The following AHCY variants were observed in gnomAD, a reference collection of about 807,000 sequenced individuals.
AHCY encodes adenosylhomocysteinase, also known as S-adenosyl-L-homocysteine hydrolase.
A neutral mutation model predicts 45.4 loss-of-function variants in AHCY; 24 were observed. The ratio of observed to expected loss-of-function variants is 0.53; its 90% CI spans 0.38 to 0.74. The LOEUF is 0.74. AHCY is among the 30% of genes least tolerant of loss of function. The pLI, the probability that AHCY is intolerant of heterozygous loss-of-function variation, is 0.00. For synonymous variants in AHCY, 245 were observed against 235.1 expected (o/e 1.04, Z -0.39); for missense variants, 449 against 594.1 (o/e 0.76, Z 2.54).
chr20:34,307,138 G>T (rs1176984154), upstream of AHCY, among the ~76,000 whole-genome samples: 1 of 141,386 alleles, frequency 7.1e-6, no homozygotes, highest in African/African-American at 2.6e-5. Flanking sequence ...TTTTTTTTGA[G>T]ACAGGGTCTG....
chr20:34,266,971 A>G, the AHCY span, among the ~76,000 whole-genome samples: 1 of 152,136 alleles, frequency 6.6e-6, no homozygotes, highest in African/African-American at 2.4e-5. Context: ...GGAGCACTGG[A>G]TTAGGTATTA....
At chr20:34,286,907 T>G (rs1173360181) in intron 8 of AHCY, among the ~76,000 whole-genome samples, 1 of 148,880 alleles carries the variant, frequency 6.7e-6, no homozygotes, top group East Asian at 2.0e-4. Context: ...TGGCCCACAG[T>G]GTGGCTCCCA....
At position 34,290,979 on chromosome 20, in the gene AHCY, G is replaced by A. The variant is rs946482507; in HGVS notation, c.559-41C>T. On this transcript the variant is annotated intron_variant, in intron 5 of 9. Transcript: ENST00000217426. This position sits in a 1 kb window ranked among gnomAD's most constrained non-coding sequence, Gnocchi z 4.5. ...GTAAGGAGACAATAGGGGCAGGCAA[G>A]GCCCTGGGGCCAGGACAACTTGGCC... is the stretch of plus-strand genomic sequence containing the variant. 9 of 1,600,696 alleles carry A rather than the reference G, an allele frequency of 5.6e-6. No individual in the cohort carries two copies. The Admixed American group carries it at 1.2e-4, about 21-fold the overall frequency.
chr20:34,296,326 A>AT (rs1459033414), intron 1 of AHCY, among the ~76,000 whole-genome samples: 1 of 152,084 alleles, frequency 6.6e-6, no homozygotes, highest in African/African-American at 2.4e-5. Flanking sequence ...CCTGCAACTG[A>AT]TTGGGTAACT....
chr20:34,276,487 G>C (rs2035911365), downstream of AHCY, among the ~76,000 whole-genome samples: 2 of 152,114 alleles, frequency 1.3e-5, no homozygotes, highest in African/African-American at 4.8e-5. Context: ...TGGTAATAGG[G>C]CAAGTATGAC....
At chr20:34,235,817 GA>G in the AHCY span, among the ~76,000 whole-genome samples, 1 of 59,180 alleles carries the variant, frequency 1.7e-5, no homozygotes, top group Non-Finnish European at 2.6e-5. Flanking sequence ...AAGAAAGAAA[GA>G]AAGAAAGAAA....
chr20:34,283,345 G>GA (rs1167676301), intron 9 of AHCY, among the ~76,000 whole-genome samples: 3 of 152,112 alleles, frequency 2.0e-5, no homozygotes, highest in Non-Finnish European at 4.4e-5. Flanking sequence ...AGGATGGATG[G>GA]ATCACTCATC....
At chr20:34,246,338 G>A in the AHCY span, 1 of 1,543,448 alleles carries the variant, frequency 6.5e-7, no homozygotes, top group Non-Finnish European at 8.8e-7. Context: ...ATTTTCTACA[G>A]TAAATTTTGC....
At chr20:34,243,181 G>C in the AHCY span, among the ~76,000 whole-genome samples, 1 of 152,174 alleles carries the variant, frequency 6.6e-6, no homozygotes, top group Non-Finnish European at 1.5e-5. Flanking sequence ...TTGTCCTTTT[G>C]TCCCTTGAGA....
At position 34,290,340 on chromosome 20, in the gene AHCY, TG is replaced by T; in HGVS notation, c.963del (p.Lys322SerfsTer9). On this transcript the variant is annotated frameshift_variant, in exon 8 of 10. Coordinates refer to ENST00000217426, the MANE Select transcript of AHCY (RefSeq NM_000687.4). LOFTEE classifies it high-confidence loss of function. This position sits in a 1 kb window ranked among gnomAD's most constrained non-coding sequence, Gnocchi z 4.5. The stretch of plus-strand genomic sequence containing the variant: ...AGGCGGGAGCTTCTCACCTGCGGCT[TG>T]ATGTTCACCTTCTCCACGGCGTTCT... The part of the protein sequence containing the change: ...LNENAVEKVN[I>X]KPQVDRYRLK... 1 of 1,614,062 alleles carries T rather than the reference TG, an allele frequency of 6.2e-7. No homozygotes were observed. Among genetic ancestry groups the T allele is most frequent in the Non-Finnish European group, 8.5e-7 (1 of 1,180,036 alleles).
intron 4 of AHCY, among the ~76,000 whole-genome samples, chr20:34,291,828 C>T (rs1442477802): frequency 6.6e-6 from 1 of 152,236 alleles, no homozygotes; most frequent in Non-Finnish European, 1.5e-5. Context: ...TACCACAACC[C>T]ATCCTCCATG....
At chr20:34,262,036 C>T in the AHCY span, among the ~76,000 whole-genome samples, 3 of 151,962 alleles carry the variant, frequency 2.0e-5, no homozygotes, top group Non-Finnish European at 2.9e-5. Flanking sequence ...TCACTTGAAC[C>T]CAGGAGGCAG....
intron 2 of AHCY, 142 bp from the exon 3 acceptor site, chr20:34,294,298 G>T (rs2036501811): frequency 3.7e-6 from 3 of 812,978 alleles, no homozygotes; most frequent in African/African-American, 3.4e-5. Flanking sequence ...CACAGGCTGG[G>T]GATGCTGGGT....
rs571100953 is a variant in AHCY, at chr20:34,290,356, C to G, written c.948G>C (p.Val316=). 1 of 1,614,148 alleles carries G rather than the reference C, an allele frequency of 6.2e-7. No individual in the cohort carries two copies. Among genetic ancestry groups the G allele is most frequent in the Non-Finnish European group, 8.5e-7 (1 of 1,180,032 alleles). The part of the protein sequence containing the change: ...IDVKWLNENA[V]EKVNIKPQVD... ...CCTGCGGCTTGATGTTCACCTTCTC[C>G]ACGGCGTTCTCGTTGAGCCACTTGA... Residue 316 remains valine, a synonymous_variant, in exon 8 of 10, where the codon GTG becomes GTC. Coordinates refer to ENST00000217426, the MANE Select transcript of AHCY (RefSeq NM_000687.4). This position sits in a 1 kb window ranked among gnomAD's most constrained non-coding sequence, Gnocchi z 4.5.
the AHCY span, among the ~76,000 whole-genome samples, chr20:34,270,115 G>C: frequency 6.6e-6 from 1 of 151,934 alleles, no homozygotes; most frequent in Non-Finnish European, 1.5e-5. Flanking sequence ...AGCCGGGTGT[G>C]GTGGCATGCA....
the AHCY span, among the ~76,000 whole-genome samples, chr20:34,256,322 C>A: frequency 2.0e-5 from 3 of 152,082 alleles, no homozygotes; most frequent in Non-Finnish European, 4.4e-5. Context: ...GGTCTCTGTG[C>A]CTTGGTGGTA....
chr20:34,258,889 A>T, the AHCY span, among the ~76,000 whole-genome samples: 1 of 131,860 alleles, frequency 7.6e-6, no homozygotes, highest in East Asian at 2.1e-4. Flanking sequence ...ATATAGTATT[A>T]TATATATAGT....
the AHCY span, among the ~76,000 whole-genome samples, chr20:34,235,794 AAAG>A: frequency 4.0e-4 from 18 of 45,160 alleles, no homozygotes; most frequent in African/African-American, 3.8e-3. Context: ...AAGAAGAAAG[AAAG>A]AAAGAAAGAA....
the AHCY span, among the ~76,000 whole-genome samples, chr20:34,245,084 C>T: frequency 1.3e-5 from 2 of 151,836 alleles, no homozygotes; most frequent in African/African-American, 2.4e-5. Context: ...GCCTGTAATC[C>T]CAGCACTTTG....
Sources: gnomAD v4.1 joint callset for allele counts (sites outside exome capture counted in the v4.1 genomes callset) on GRCh38, gnomAD v4.1.1 for gene constraint, Gnocchi (gnomAD v3.1) non-coding constraint, MANE v1.5 for transcripts, NCBI Gene and HGNC (gene_info 2026-07-23, HGNC 2026-07-21) for gene names.